The following PRELID2 variants were observed in gnomAD, a reference collection of about 807,000 sequenced individuals.
PRELID2 encodes PRELI domain-containing protein 2.
PRELID2 carries 25 observed loss-of-function variants against 28.4 expected under a neutral mutation model. The observed-to-expected ratio is 0.88, with a 90% CI of 0.64 to 1.23. PRELID2 has a LOEUF of 1.23. PRELID2 is among the 50% of genes most tolerant of loss of function. The pLI, the probability that PRELID2 is intolerant of heterozygous loss-of-function variation, is 0.00. For missense variants in PRELID2, 201 were observed against 214.4 expected (o/e 0.94, Z 0.39); for synonymous variants, 76 against 71.6 (o/e 1.06, Z -0.31).
At position 145,757,384 on chromosome 5, in the gene PRELID2, G is replaced by A. The variant is rs1010912118; in HGVS notation, c.*3152C>T. On this transcript the variant is annotated 3_prime_UTR_variant, in exon 7 of 7. Coordinates refer to ENST00000683046, the MANE Select transcript of PRELID2 (RefSeq NM_205846.3). ...AACTGAAATTCCACGAATCAGAATC[G>A]CTGGGGAAAGGGACTGAGAACCTGC... Among the ~76,000 whole-genome samples, 4 of 152,170 alleles carry A rather than the reference G, an allele frequency of 2.6e-5. No individual in the cohort carries two copies. The highest frequency in any genetic ancestry group is 4.4e-5 in the Non-Finnish European group (3 of 68,046).
At chr5:145,464,058 T>G in the PRELID2 span, among the ~76,000 whole-genome samples, 2 of 152,156 alleles carry the variant, frequency 1.3e-5, no homozygotes, top group Non-Finnish European at 2.9e-5. Flanking sequence ...AGTACCCCAA[T>G]GACCTCCAAA....
At chr5:145,430,526 T>A in the PRELID2 span, among the ~76,000 whole-genome samples, 1 of 152,170 alleles carries the variant, frequency 6.6e-6, no homozygotes, top group African/African-American at 2.4e-5. Context: ...TTCTGCCCAC[T>A]GCCCATTGTC....
chr5:145,823,079 C>CT lies in PRELID2; in HGVS notation c.130dup (p.Arg44LysfsTer3), dbSNP rs1332482684. 2.7e-6 allele frequency: 4 copies of CT among 1,506,380 alleles called. No homozygotes were observed. The highest frequency in any genetic ancestry group is 3.7e-6 in the Non-Finnish European group (4 of 1,082,424). The allele number at this position is 1,506,380 out of a possible 1,614,324, so 93.3% of individuals were successfully genotyped here. On this transcript the variant is annotated frameshift_variant, in exon 2 of 7. Transcript: ENST00000683046. LOFTEE classifies it high-confidence loss of function. Reference sequence around the variant, plus strand: ...AAAAAACTGTACAGAGAACTTACCTCTTTTTTCCTCCATGATTTTTACTGA... The same window carrying CT: ...AAAAAACTGTACAGAGAACTTACCTCTTTTTTTCCTCCATGATTTTTACTGA...
chr5:145,737,586 G>A (rs914559092), intron 1 of PRELID2, among the ~76,000 whole-genome samples: 7 of 152,132 alleles, frequency 4.6e-5, no homozygotes, highest in African/African-American at 1.2e-4. Flanking sequence ...CCTGAAAACA[G>A]CAACAAGCAC....
the PRELID2 span, among the ~76,000 whole-genome samples, chr5:145,389,882 G>C: frequency 6.6e-6 from 1 of 151,554 alleles, no homozygotes; most frequent in Non-Finnish European, 1.5e-5. Flanking sequence ...AGACCAAAGT[G>C]AAAAATACTT....
intron 5 of PRELID2, among the ~76,000 whole-genome samples, chr5:145,791,487 T>C (rs1752391135): frequency 6.6e-6 from 1 of 152,150 alleles, no homozygotes; most frequent in African/African-American, 2.4e-5. Context: ...AGACAAATAC[T>C]GTATGAGTCC....
intron 4 of PRELID2, among the ~76,000 whole-genome samples, chr5:145,806,425 G>A (rs1753513750): frequency 6.6e-6 from 1 of 152,048 alleles, no homozygotes; most frequent in Admixed American, 6.6e-5. Flanking sequence ...TTATCCCACT[G>A]GAAAGTCTTC....
chr5:145,252,579 ATTAATGT>A, the PRELID2 span, among the ~76,000 whole-genome samples: 1 of 152,144 alleles, frequency 6.6e-6, no homozygotes. Context: ...TTTGTATTGT[ATTAATGT>A]TTATCAACTG....
intron 1 of PRELID2, among the ~76,000 whole-genome samples, chr5:145,540,163 G>A (rs1048374600): frequency 3.9e-5 from 6 of 151,956 alleles, no homozygotes; most frequent in Middle Eastern, 3.4e-3. Flanking sequence ...ATTTGCAATT[G>A]TTGGAATTAG....
chr5:145,597,393 T>C lies in PRELID2; in HGVS notation n.71-124078A>G, dbSNP rs143579603. On this transcript the variant is annotated intron_variant and non_coding_transcript_variant, in intron 1 of 2. Coordinates refer to the PRELID2 transcript ENST00000510259. Reference sequence around the variant, plus strand: ...ACAGATCTGGAAATTTTGCCAACTATCTGATGATAGATGCACACTGAACTA... The same window carrying C: ...ACAGATCTGGAAATTTTGCCAACTACCTGATGATAGATGCACACTGAACTA... 5.2e-4 allele frequency among the ~76,000 whole-genome samples: 79 copies of C among 152,230 alleles called. No homozygotes were observed. The East Asian group carries it at 0.013, about 25-fold the overall frequency.
At chr5:145,743,656 T>C (rs563860722) in intron 1 of PRELID2, among the ~76,000 whole-genome samples, 2 of 152,104 alleles carry the variant, frequency 1.3e-5, no homozygotes, top group East Asian at 1.9e-4. Flanking sequence ...GTGGAAACCG[T>C]GCTTTTTCCA....
intron 1 of PRELID2, among the ~76,000 whole-genome samples, chr5:145,741,493 TATATATAAA>T (rs1434618589): frequency 2.4e-5 from 3 of 123,120 alleles, no homozygotes; most frequent in Non-Finnish European, 4.7e-5. Context: ...ATAAATAAAT[TATATATAAA>T]ATTTATTTAT....
chr5:145,690,458 A>G (rs1000471435), intron 1 of PRELID2, among the ~76,000 whole-genome samples: 8 of 152,304 alleles, frequency 5.3e-5, no homozygotes, highest in African/African-American at 1.9e-4. Context: ...AGACTAAGAA[A>G]GGGACTGTTC....
intron 2 of PRELID2, among the ~76,000 whole-genome samples, chr5:145,820,798 C>A (rs945965724): frequency 3.9e-5 from 6 of 152,024 alleles, no homozygotes; most frequent in Non-Finnish European, 7.4e-5. Context: ...AATGGCTATT[C>A]CTGTTCTTTT....
At chr5:145,327,278 G>C in the PRELID2 span, among the ~76,000 whole-genome samples, 3 of 151,848 alleles carry the variant, frequency 2.0e-5, no homozygotes, top group Non-Finnish European at 4.4e-5. Context: ...GTGAATATTT[G>C]CTTTGTACAT....
the PRELID2 span, among the ~76,000 whole-genome samples, chr5:145,340,743 C>T: frequency 6.9e-6 from 1 of 144,028 alleles, no homozygotes; most frequent in Middle Eastern, 3.7e-3. Flanking sequence ...GCCTGGGTGA[C>T]AGAGTGAGAC....
intron 1 of PRELID2, among the ~76,000 whole-genome samples, chr5:145,547,242 G>A (rs932395436): frequency 3.4e-4 from 51 of 152,168 alleles, no homozygotes; most frequent in Middle Eastern, 3.4e-3. Flanking sequence ...TAATCTTCAC[G>A]AAAAAGTCCA....
At chr5:145,408,851 T>C in the PRELID2 span, among the ~76,000 whole-genome samples, 6 of 152,074 alleles carry the variant, frequency 3.9e-5, no homozygotes, top group African/African-American at 1.4e-4. Context: ...GACATCCAAA[T>C]ACAAGAAGCT....
chr5:145,597,356 G>T (rs1753324218), intron 1 of PRELID2, among the ~76,000 whole-genome samples: 1 of 152,074 alleles, frequency 6.6e-6, no homozygotes, highest in Admixed American at 6.6e-5. Flanking sequence ...CTAGCCAAAG[G>T]TACATGACAT....
Sources: gnomAD v4.1 joint callset for allele counts (sites outside exome capture counted in the v4.1 genomes callset) on GRCh38, gnomAD v4.1.1 for gene constraint, MANE v1.5 for transcripts, NCBI Gene and HGNC (gene_info 2026-07-23, HGNC 2026-07-21) for gene names.